Variants in ACVRL1 observed in about 807,000 individuals in gnomAD.
ACVRL1 encodes the protein activin receptor type-1-like.
ACVRL1 carries 20 observed loss-of-function variants against 51.9 expected under a neutral mutation model. The ratio of observed to expected loss-of-function variants is 0.39; its 90% CI spans 0.27 to 0.56. ACVRL1 has a LOEUF of 0.56. Ranked by LOEUF, ACVRL1 falls within the 20% of genes least tolerant of loss-of-function variation. The pLI is 0.67. For missense variants in ACVRL1, 451 were observed against 670.3 expected (o/e 0.67, Z 3.61); for synonymous variants, 288 against 280.9 (o/e 1.03, Z -0.25).
In ACVRL1 at chr12:51,913,721, A is replaced by G. The variant is rs537306079; in HGVS notation, c.476A>G (p.Glu159Gly). 8 of 1,612,210 alleles carry G rather than the reference A, an allele frequency of 5.0e-6. No individual in the cohort carries two copies. Among genetic ancestry groups the G allele is most frequent in the Non-Finnish European group, 6.8e-6 (8 of 1,180,004 alleles). ...CGTGGCCTGCACAGCGAGCTGGGAG[A>G]GTCCAGTCTCATCCTGAAAGCATCT... is the stretch of plus-strand genomic sequence containing the variant. ...KQRGLHSELGESSLILKASEQ... is the reference protein window; with the variant it reads ...KQRGLHSELGGSSLILKASEQ... Residue 159 changes from glutamate to glycine, a missense_variant, in exon 4 of 10, where the codon GAG becomes GGG. This residue lies in a region of ACVRL1 where 192 missense variants were observed against 216.9 expected (regional missense o/e 0.89). Coordinates refer to ENST00000388922, the MANE Select transcript of ACVRL1 (RefSeq NM_000020.3).
rs1342081473 is a variant in ACVRL1 at position 51,917,421 on chromosome 12, G to A, written c.1246+1188G>A. ...CAGCCCTGAGGTCGATGTTCTCTCA[G>A]CCCTGGAGTGGACGGAGGATAGGTG... On this transcript the variant is annotated intron_variant, in intron 8 of 9. Coordinates refer to ENST00000388922, the MANE Select transcript of ACVRL1 (RefSeq NM_000020.3). This position sits in a 1 kb window ranked among gnomAD's most constrained non-coding sequence, Gnocchi z 4.2. Among the ~76,000 whole-genome samples the A allele has an allele frequency of 6.6e-6, 1 of 152,208 alleles. No homozygotes were observed. The highest frequency in any genetic ancestry group is 2.4e-5 in the African/African-American group (1 of 41,460).
chr12:51,914,139 GT>G, intron 5 of ACVRL1, 66 bp downstream of exon 5: 1 of 1,540,898 alleles, frequency 6.5e-7, no homozygotes, highest in Non-Finnish European at 8.9e-7. Flanking sequence ...GGGTGAGGGA[GT>G]TTTTGGCTAC....
At chr12:51,908,046 C>T (rs1036202002) in intron 1 of ACVRL1, among the ~76,000 whole-genome samples, 8 of 152,196 alleles carry the variant, frequency 5.3e-5, no homozygotes, top group African/African-American at 9.7e-5. Context: ...TCCTCCAGGC[C>T]GCTGGGTGGA....
intron 1 of ACVRL1, among the ~76,000 whole-genome samples, chr12:51,910,643 A>C (rs1404693257): frequency 6.6e-6 from 1 of 152,136 alleles, no homozygotes; most frequent in African/African-American, 2.4e-5. Context: ...TCTCCTTTGC[A>C]GCTTTCTGGG....
rs760773605 is a variant in ACVRL1 at position 51,920,786 on chromosome 12, C to T, written c.1405C>T (p.Arg469Trp). The change falls in exon 10 of 10, where the codon CGG becomes TGG. Residue 469 changes from arginine (R) to tryptophan (W), a missense_variant. Physicochemically the swap from Arg to Trp is moderately radical, Grantham distance 101 (BLOSUM62 -3). Around this residue, in one of 2 missense-constraint regions of ACVRL1, gnomAD observed 259 missense variants for 453.4 expected, o/e 0.57. Coordinates refer to ENST00000388922, the MANE Select transcript of ACVRL1 (RefSeq NM_000020.3). Reference sequence around the variant, plus strand: ...CCTCTCAGGCCTAGCTCAGATGATGCGGGAGTGCTGGTACCCAAACCCCTC... The same window carrying T: ...CCTCTCAGGCCTAGCTCAGATGATGTGGGAGTGCTGGTACCCAAACCCCTC... ...PVLSGLAQMM[R>W]ECWYPNPSAR... is the part of the protein sequence containing the mutation. 4.0e-5 allele frequency: 64 copies of T among 1,613,868 alleles called. No homozygotes were observed. The highest frequency in any genetic ancestry group is 5.2e-5 in the Non-Finnish European group (61 of 1,180,044).
Position 51,920,930 on chromosome 12 carries a change from CTGGGGGGG to C in ACVRL1, c.*45_*52del, listed in dbSNP as rs764127369. ...CTGATTCCTTTCTGCCTGCAGGGGG[CTGGGGGGG>C]TGGGGGGCAGTGGATGGTGCCCTAT... On this transcript the variant is annotated 3_prime_UTR_variant, in exon 10 of 10. Coordinates refer to ENST00000388922, the MANE Select transcript of ACVRL1 (RefSeq NM_000020.3). The C allele has an allele frequency of 2.0e-4, 67 of 336,506 alleles. 3 individuals are homozygous for C. The highest frequency in any genetic ancestry group is 3.6e-4 in the Non-Finnish European group (63 of 173,520). The allele number at this position is 336,506 out of a possible 1,614,324, so 20.8% of individuals were successfully genotyped here.
At chr12:51,910,585 G>T (rs189930560) in intron 1 of ACVRL1, among the ~76,000 whole-genome samples, 1 of 152,158 alleles carries the variant, frequency 6.6e-6, no homozygotes, top group Non-Finnish European at 1.5e-5. Context: ...GAGGAATGCC[G>T]GATTTTAGCC....
chr12:51,913,211 G>A lies in ACVRL1; in HGVS notation c.174G>A (p.Glu58=). ...GAWCTVVLVR[E]EGRHPQEHRG... is the part of the protein sequence containing the mutation. Reference sequence around the variant, plus strand: ...GGTGCACAGTAGTGCTGGTGCGGGAGGAGGGGAGGCACCCCCAGGAACATC... The same window carrying A: ...GGTGCACAGTAGTGCTGGTGCGGGAAGAGGGGAGGCACCCCCAGGAACATC... Residue 58 remains glutamate (E), a synonymous_variant, in exon 3 of 10, where the codon GAG becomes GAA. Transcript: ENST00000388922. 7 of 1,590,810 alleles carry A rather than the reference G, an allele frequency of 4.4e-6. No individual in the cohort carries two copies. Among genetic ancestry groups the A allele is most frequent in the Non-Finnish European group, 6.0e-6 (7 of 1,169,458 alleles).
chr12:51,916,361 GC>G, intron 8 of ACVRL1, 128 bp downstream of exon 8: 1 of 965,684 alleles, frequency 1.0e-6, no homozygotes, highest in Non-Finnish European at 1.5e-6. Flanking sequence ...CTTCCATGCT[GC>G]CCACCAGCTG....
Position 51,920,816 on chromosome 12 carries a change from C to T in ACVRL1, c.1435C>T (p.Arg479Ter), listed in dbSNP as rs1057517944. Residue 479 changes from arginine to a stop codon, truncating the protein, a stop_gained, in exon 10 of 10, where the codon CGA becomes TGA. Transcript: ENST00000388922. LOFTEE classifies it high-confidence loss of function. ...GTGCTGGTACCCAAACCCCTCTGCC[C>T]GACTCACCGCGCTGCGGATCAAGAA... is the stretch of plus-strand genomic sequence containing the variant. The part of the protein sequence containing the change: ...RECWYPNPSA[R>*]LTALRIKKTL... 3 of 1,613,946 alleles carry T rather than the reference C, an allele frequency of 1.9e-6. No individual in the cohort carries two copies. Among genetic ancestry groups the T allele is most frequent in the Admixed American group, 1.7e-5 (1 of 60,002 alleles).
rs1488903180 is a variant in ACVRL1, at chr12:51,907,772, A to T, written c.-6+77A>T. ...TTCAGTGGGCCCTTCCTTCGGGCGG[A>T]CCCCAGAGTCACCGCAGAGTGGTCG... On this transcript the variant is annotated intron_variant, in intron 1 of 9. Transcript: ENST00000388922. This position sits in a 1 kb window ranked among gnomAD's most constrained non-coding sequence, Gnocchi z 4.5. The T allele has an allele frequency of 6.6e-6, 1 of 150,886 alleles. No homozygotes were observed. Among genetic ancestry groups the T allele is most frequent in the Non-Finnish European group, 1.5e-5 (1 of 67,758 alleles). 9.3% of individuals were successfully genotyped at this position (150,886 alleles called of 1,614,324 possible). A position where few individuals can be genotyped will look rare whatever the true frequency, so the allele number is the denominator to read the frequency against.
At chr12:51,915,137 T>A in intron 6 of ACVRL1, 88 bp from the exon 7 acceptor site, 1 of 1,436,868 alleles carries the variant, frequency 7.0e-7, no homozygotes, top group Non-Finnish European at 9.7e-7. Context: ...GTCCATTCCC[T>A]CTCCCCCAAC....
Position 51,913,963 on chromosome 12 carries a change from C to G in ACVRL1, c.526-11C>G. On this transcript the variant is annotated splice_polypyrimidine_tract_variant and intron_variant, in intron 4 of 9. Transcript: ENST00000388922. ...TGTGGCAGCCTCTCAGTGGCCTCTCCGTACCCCCAGGACCTCCTGGACAGT... is the reference window on the plus strand; with the variant it reads ...TGTGGCAGCCTCTCAGTGGCCTCTCGGTACCCCCAGGACCTCCTGGACAGT... The G allele has an allele frequency of 2.5e-6, 4 of 1,612,324 alleles. No individual in the cohort carries two copies. The highest frequency in any genetic ancestry group is 3.4e-6 in the Non-Finnish European group (4 of 1,179,328).
intron 3 of ACVRL1, 56 bp from the exon 4 acceptor site, chr12:51,913,503 C>T (rs370197728): frequency 2.4e-5 from 38 of 1,553,588 alleles, no homozygotes; most frequent in Admixed American, 5.5e-5. Flanking sequence ...TGGTCTGGCC[C>T]GAGGTGGGGG....
Position 51,913,715 on chromosome 12 carries a change from T to C in ACVRL1, c.470T>C (p.Leu157Pro), listed in dbSNP as rs1371249289. 6 of 1,612,212 alleles carry C rather than the reference T, an allele frequency of 3.7e-6. No homozygotes were observed. In the East Asian group the frequency reaches 6.7e-5, roughly 18 times the overall value. Residue 157 changes from leucine to proline, a missense_variant, in exon 4 of 10, where the codon CTG becomes CCG. Transcript: ENST00000388922. The part of the protein sequence containing the change: ...QEKQRGLHSE[L>P]GESSLILKAS... ...AAGCAGCGTGGCCTGCACAGCGAGC[T>C]GGGAGAGTCCAGTCTCATCCTGAAA...
intron 1 of ACVRL1, among the ~76,000 whole-genome samples, chr12:51,909,076 G>A (rs1422738000): frequency 6.6e-6 from 1 of 152,212 alleles, no homozygotes; most frequent in Non-Finnish European, 1.5e-5. Context: ...GAGTCCAGAA[G>A]GTTGTGCTTG....
chr12:51,918,033 G>A (rs912942413), intron 8 of ACVRL1, among the ~76,000 whole-genome samples: 3 of 152,240 alleles, frequency 2.0e-5, no homozygotes, highest in Non-Finnish European at 2.9e-5. Flanking sequence ...AACAGCTGGC[G>A]AAGGCTCTAT....
chr12:51,919,092 C>A lies in ACVRL1; in HGVS notation c.1354C>A (p.Pro452Thr). ...TGTGGATCAGCAGACCCCCACCATCCCTAACCGGCTGGCTGCAGACCCGGT... is the reference window on the plus strand; with the variant it reads ...TGTGGATCAGCAGACCCCCACCATCACTAACCGGCTGGCTGCAGACCCGGT... The part of the protein sequence containing the change: ...VCVDQQTPTI[P>T]NRLAADPVLS... Residue 452 changes from proline to threonine, a missense_variant, in exon 9 of 10, where the codon CCT (proline) becomes ACT (threonine). This residue lies in a region of ACVRL1 where 259 missense variants were observed against 453.4 expected (regional missense o/e 0.57). Transcript: ENST00000388922. 1 of 1,613,762 alleles carries A rather than the reference C, an allele frequency of 6.2e-7. No individual in the cohort carries two copies. The highest frequency in any genetic ancestry group is 1.1e-5 in the South Asian group (1 of 91,046).
At chr12:51,915,907 C>A in intron 7 of ACVRL1, 129 bp from the exon 8 acceptor site, 1 of 1,012,734 alleles carries the variant, frequency 9.9e-7, no homozygotes, top group Non-Finnish European at 1.4e-6. Flanking sequence ...TGCCTTCCAG[C>A]CCATCTCCGT....
Sources: allele counts gnomAD v4.1 joint callset (sites outside exome capture counted in the v4.1 genomes callset), GRCh38; gene constraint gnomAD v4.1.1; regional missense constraint gnomAD v4.1.1; non-coding constraint Gnocchi (gnomAD v3.1); transcripts MANE v1.5; gene names NCBI Gene and HGNC (gene_info 2026-07-23, HGNC 2026-07-21).